Variants in CSMD3 observed in about 807,000 individuals in gnomAD.
CSMD3 encodes the protein CUB and Sushi multiple domains 3.
A neutral mutation model predicts 435.2 loss-of-function variants in CSMD3; 177 were observed. That is an observed-to-expected ratio of 0.41 (90% CI 0.36 to 0.46). CSMD3 has a LOEUF of 0.46. CSMD3 is among the 20% of genes least tolerant of loss of function. The pLI is 0.34. For synonymous variants in CSMD3, 1,656 were observed against 1,520.5 expected (o/e 1.09, Z -2.07); for missense variants, 4,265 against 4,504.6 (o/e 0.95, Z 1.52).
rs1379375989 is a variant in CSMD3 at position 112,335,450 on chromosome 8, A to G, written c.7044T>C (p.Pro2348=). The stretch of plus-strand genomic sequence containing the variant: ...TATTGCCACTGAACTGACCGATCTG[A>G]GGTGAATTTTGGTCTGGTCCATCCC... ...TVWDGPDQNS[P]QIGQFSGNTA... is the part of the protein sequence containing the mutation. Residue 2348 remains proline (P), a synonymous_variant, in exon 45 of 71, where the codon CCT becomes CCC. Coordinates refer to ENST00000297405, the MANE Select transcript of CSMD3 (RefSeq NM_198123.2). 3 of 1,613,920 alleles carry G rather than the reference A, an allele frequency of 1.9e-6. No homozygotes were observed. Among genetic ancestry groups the G allele is most frequent in the Admixed American group, 1.7e-5 (1 of 59,990 alleles).
chr8:112,671,772 A>C (rs190326289), intron 16 of CSMD3, among the ~76,000 whole-genome samples: 1 of 152,250 alleles, frequency 6.6e-6, no homozygotes, highest in African/African-American at 2.4e-5. Flanking sequence ...TCCAAAAGAA[A>C]TGTTTATTTA....
intron 24 of CSMD3, among the ~76,000 whole-genome samples, chr8:112,571,595 A>G (rs558216731): frequency 6.6e-6 from 1 of 151,624 alleles, no homozygotes; most frequent in South Asian, 2.1e-4. Context: ...CAGGCTGGGC[A>G]TGGTGGCTAA....
chr8:113,330,845 C>A (rs1233064626), intron 1 of CSMD3, among the ~76,000 whole-genome samples: 1 of 151,788 alleles, frequency 6.6e-6, no homozygotes, highest in Non-Finnish European at 1.5e-5. Context: ...GTCTTTAATT[C>A]TCTGCTTTCA....
At chr8:112,902,707 G>T (rs1367200618) in intron 10 of CSMD3, among the ~76,000 whole-genome samples, 1 of 151,240 alleles carries the variant, frequency 6.6e-6, no homozygotes, top group African/African-American at 2.4e-5. Context: ...CTCTTGGATT[G>T]TTGTCAATAA....
chr8:112,698,157 T>C (rs539942139), intron 13 of CSMD3, among the ~76,000 whole-genome samples: 2 of 150,808 alleles, frequency 1.3e-5, no homozygotes, highest in East Asian at 2.3e-4. Flanking sequence ...GTGAAGAAGG[T>C]TGAGAATCAG....
intron 30 of CSMD3, among the ~76,000 whole-genome samples, chr8:112,496,627 A>G (rs1821374330): frequency 6.6e-6 from 1 of 152,220 alleles, no homozygotes; most frequent in Admixed American, 6.5e-5. Flanking sequence ...TCAGCCATAA[A>G]AAAGAATGAA....
chr8:112,307,163 C>T (rs1231857005), intron 50 of CSMD3, among the ~76,000 whole-genome samples: 4 of 151,758 alleles, frequency 2.6e-5, no homozygotes, highest in Non-Finnish European at 2.9e-5. Flanking sequence ...CTCAATCTGC[C>T]GCCTGGCTGG....
chr8:112,702,844 G>T (rs1402482257), intron 13 of CSMD3, among the ~76,000 whole-genome samples: 1 of 152,002 alleles, frequency 6.6e-6, no homozygotes, highest in Admixed American at 6.6e-5. Flanking sequence ...CCATACCGCT[G>T]TCCTCCAAGC....
At chr8:112,569,238 T>C (rs1829304493) in intron 24 of CSMD3, among the ~76,000 whole-genome samples, 1 of 152,032 alleles carries the variant, frequency 6.6e-6, no homozygotes, top group Non-Finnish European at 1.5e-5. Flanking sequence ...ACCACAAACA[T>C]GAAAATAAAA....
At chr8:112,549,823 A>G (rs1168173743) in intron 27 of CSMD3, among the ~76,000 whole-genome samples, 1 of 152,012 alleles carries the variant, frequency 6.6e-6, no homozygotes. Flanking sequence ...GCCCAAAATT[A>G]GCAGTTAGTA....
At chr8:113,285,222 A>G (rs1014554488) in intron 2 of CSMD3, among the ~76,000 whole-genome samples, 1 of 151,780 alleles carries the variant, frequency 6.6e-6, no homozygotes, top group Non-Finnish European at 1.5e-5. Flanking sequence ...AAAGGTGAGT[A>G]AGGCAATGGG....
Position 113,342,082 on chromosome 8 carries a change from G to GA in CSMD3, c.179-27290dup, listed in dbSNP as rs796499556. ...ACCAGTTGCTTTAAAAGATTAAAAA[G>GA]AAAAAAAAAACAAGAAGAAAATTTT... On this transcript the variant is annotated intron_variant, in intron 1 of 70. Coordinates refer to ENST00000297405, the MANE Select transcript of CSMD3 (RefSeq NM_198123.2). 1.7e-3 allele frequency among the ~76,000 whole-genome samples: 244 copies of GA among 140,986 alleles called. 1 individual carries two copies. Among genetic ancestry groups the GA allele is most frequent in the South Asian group, 4.1e-3 (18 of 4,392 alleles). 92.5% of individuals were successfully genotyped at this position (140,986 alleles called of 152,430 possible).
At position 113,053,641 on chromosome 8, in the gene CSMD3, T is replaced by C. The variant is rs540311748; in HGVS notation, c.918-34462A>G. On this transcript the variant is annotated intron_variant, in intron 5 of 70. Transcript: ENST00000297405. Reference sequence around the variant, plus strand: ...AAATTGAATTATAATTTTCACAAATTTTTAAAGAAGTTTGTATAAATGGGC... The same window carrying C: ...AAATTGAATTATAATTTTCACAAATCTTTAAAGAAGTTTGTATAAATGGGC... Among the ~76,000 whole-genome samples the C allele has an allele frequency of 6.6e-5, 10 of 152,190 alleles. No homozygotes were observed. In the East Asian group the frequency reaches 1.9e-3, roughly 29 times the overall value.
At chr8:112,881,235 A>G (rs2081439728) in intron 10 of CSMD3, among the ~76,000 whole-genome samples, 1 of 152,012 alleles carries the variant, frequency 6.6e-6, no homozygotes, top group Admixed American at 6.6e-5. Flanking sequence ...AAATAAAAGT[A>G]TGGGGTGTCC....
chr8:112,974,711 AAAGT>A (rs761747915), intron 7 of CSMD3, among the ~76,000 whole-genome samples: 1 of 151,886 alleles, frequency 6.6e-6, no homozygotes, highest in African/African-American at 2.4e-5. Context: ...AAAGAGAATC[AAAGT>A]AAGTATTTTC....
intron 35 of CSMD3, among the ~76,000 whole-genome samples, chr8:112,403,973 G>T (rs1831551008): frequency 6.6e-6 from 1 of 152,076 alleles, no homozygotes; most frequent in Admixed American, 6.5e-5. Context: ...TACAAGAATA[G>T]TTCAGATTCC....
At chr8:112,442,298 G>T (rs1434090939) in intron 32 of CSMD3, among the ~76,000 whole-genome samples, 6 of 152,192 alleles carry the variant, frequency 3.9e-5, no homozygotes, top group Non-Finnish European at 2.9e-5. Context: ...CTCCAATATT[G>T]GGAATCACCT....
In CSMD3 at chr8:113,328,743, T is replaced by C. The variant is rs1223592460; in HGVS notation, c.179-13950A>G. 1.4e-3 allele frequency among the ~76,000 whole-genome samples: 175 copies of C among 122,310 alleles called. 5 individuals carry two copies. The highest frequency in any genetic ancestry group is 5.4e-3 in the African/African-American group (165 of 30,350). The allele number at this position is 122,310 out of a possible 152,430, so 80.2% of individuals were successfully genotyped here. A position where few individuals can be genotyped will look rare whatever the true frequency, so the allele number is the denominator to read the frequency against. On this transcript the variant is annotated intron_variant, in intron 1 of 70. Transcript: ENST00000297405. The stretch of plus-strand genomic sequence containing the variant: ...CTTTCCTTCCTTCTTTTCTTTTTTT[T>C]TTTTTTTTTTTTTTTTGATACAGGG...
chr8:113,283,589 G>A (rs2093626817), intron 2 of CSMD3, among the ~76,000 whole-genome samples: 1 of 152,088 alleles, frequency 6.6e-6, no homozygotes, highest in African/African-American at 2.4e-5. Context: ...TTAGATGCTT[G>A]TGTGGATGCA....
Sources: allele counts gnomAD v4.1 joint callset (sites outside exome capture counted in the v4.1 genomes callset), GRCh38; gene constraint gnomAD v4.1.1; transcripts MANE v1.5; gene names NCBI Gene and HGNC (gene_info 2026-07-23, HGNC 2026-07-21).